The following TRPM3 variants were observed in gnomAD, a reference collection of about 807,000 sequenced individuals.
TRPM3 encodes transient receptor potential cation channel subfamily M member 3.
TRPM3 carries 77 observed loss-of-function variants against 181.2 expected under a neutral mutation model. The ratio of observed to expected loss-of-function variants is 0.42; its 90% CI spans 0.35 to 0.51. The LOEUF is 0.51. Ranked by LOEUF, TRPM3 falls within the 20% of genes least tolerant of loss-of-function variation. The pLI is 0.01. For synonymous variants in TRPM3, 745 were observed against 796.4 expected, an observed-to-expected ratio of 0.94 and a Z score of 1.09; for missense variants, 1,759 against 2,196.7, an observed-to-expected ratio of 0.80 and a Z score of 3.98.
intron 8 of TRPM3, among the ~76,000 whole-genome samples, chr9:70,686,686 T>TTTCCTTCCTTCCTTCTTTCCTTCC (rs1214535316): frequency 5.1e-5 from 3 of 58,866 alleles, no homozygotes; most frequent in African/African-American, 2.1e-4. Flanking sequence ...TCCTTCCTTC[T>TTTCCTTCCTTCCTTCTTTCCTTCC]TTCCTTCCTT....
intron 1 of TRPM3, among the ~76,000 whole-genome samples, chr9:70,926,876 G>A (rs1183577791): frequency 2.0e-5 from 3 of 152,168 alleles, no homozygotes; most frequent in African/African-American, 7.2e-5. Context: ...CCACACTGCA[G>A]AACATGTCCA....
intron 1 of TRPM3, among the ~76,000 whole-genome samples, chr9:71,340,028 G>A (rs1238209951): frequency 6.6e-6 from 1 of 152,088 alleles, no homozygotes; most frequent in East Asian, 1.9e-4. Flanking sequence ...GATTTTGTCT[G>A]AACATTGTAA....
chr9:71,063,202 C>T (rs1039889031), intron 1 of TRPM3, among the ~76,000 whole-genome samples: 103 of 152,206 alleles, frequency 6.8e-4, no homozygotes, highest in African/African-American at 2.5e-3. Flanking sequence ...CTCCCATGAG[C>T]CATTTGGGAA....
chr9:70,552,761 G>A (rs1426859258), intron 24 of TRPM3, 83 bp downstream of exon 24: 3 of 1,410,310 alleles, frequency 2.1e-6, no homozygotes, highest in Admixed American at 3.4e-5. Context: ...GGAACTAGGT[G>A]GGCATGCGAT....
intron 1 of TRPM3, among the ~76,000 whole-genome samples, chr9:71,261,890 G>A (rs2083080798): frequency 6.6e-6 from 1 of 152,088 alleles, no homozygotes; most frequent in South Asian, 2.1e-4. Context: ...CATCCCAGAG[G>A]GGCACCTGCC....
intron 8 of TRPM3, among the ~76,000 whole-genome samples, chr9:70,693,616 G>A (rs894103878): frequency 1.3e-5 from 2 of 152,178 alleles, no homozygotes; most frequent in Non-Finnish European, 1.5e-5. Context: ...AGGCGAGAGA[G>A]TGTCATGAAG....
intron 7 of TRPM3, among the ~76,000 whole-genome samples, chr9:70,781,288 G>A (rs1369393849): frequency 1.4e-5 from 2 of 141,062 alleles, no homozygotes; most frequent in African/African-American, 5.4e-5. Context: ...TTGCATCACT[G>A]CACTCCAGCC....
chr9:70,625,228 A>T lies in TRPM3; in HGVS notation c.1772T>A (p.Phe591Tyr), dbSNP rs767584686. The change falls in exon 14 of 26, where the codon TTC (phenylalanine) becomes TAC (tyrosine). Residue 591 changes from phenylalanine to tyrosine, a missense_variant. By Grantham distance (22) the Phe-to-Tyr change is conservative. Around this residue, in one of 8 missense-constraint regions of TRPM3, gnomAD observed 737 missense variants for 957.4 expected, o/e 0.77. Coordinates refer to ENST00000677713, the MANE Select transcript of TRPM3 (RefSeq NM_001366145.2). This position sits in a 1 kb window ranked among gnomAD's most constrained non-coding sequence, Gnocchi z 4.8. ...GAAGAGGTTGTGGTAGAGGGTCCGG[A>T]AGCGCTTGCGCGTGTAGTTGCAGCG... ...AYRCNYTRKR[F>Y]RTLYHNLFGP... 5 of 1,614,112 alleles carry T rather than the reference A, an allele frequency of 3.1e-6. No homozygotes were observed. The highest frequency in any genetic ancestry group is 3.4e-6 in the Non-Finnish European group (4 of 1,180,020).
chr9:71,180,993 A>G (rs1384474597), intron 1 of TRPM3, among the ~76,000 whole-genome samples: 1 of 152,076 alleles, frequency 6.6e-6, no homozygotes, highest in Non-Finnish European at 1.5e-5. Flanking sequence ...AAGGCTCTTG[A>G]GTGTTTATTT....
chr9:71,012,272 TTAGAG>T (rs2097751946), intron 1 of TRPM3, among the ~76,000 whole-genome samples: 2 of 152,204 alleles, frequency 1.3e-5, no homozygotes, highest in South Asian at 2.1e-4. Flanking sequence ...ATTCCAATGA[TTAGAG>T]ATACCACTTT....
At chr9:70,749,659 A>T (rs2075785925) in intron 8 of TRPM3, among the ~76,000 whole-genome samples, 1 of 152,232 alleles carries the variant, frequency 6.6e-6, no homozygotes, top group Non-Finnish European at 1.5e-5. Context: ...AGGTTCTGAG[A>T]TAAGAAGAAT....
intron 1 of TRPM3, among the ~76,000 whole-genome samples, chr9:71,095,443 G>A (rs906393954): frequency 7.2e-5 from 11 of 152,026 alleles, no homozygotes; most frequent in Non-Finnish European, 1.5e-4. Context: ...ATCTTAAACA[G>A]GTAGAAGACT....
intron 1 of TRPM3, among the ~76,000 whole-genome samples, chr9:71,136,877 G>A (rs2074797779): frequency 6.6e-6 from 1 of 152,242 alleles, no homozygotes; most frequent in African/African-American, 2.4e-5. Context: ...TACAGCAAAA[G>A]AAGCTGGTGT....
intron 1 of TRPM3, among the ~76,000 whole-genome samples, chr9:71,007,408 C>T (rs948600382): frequency 2.6e-5 from 4 of 152,174 alleles, no homozygotes; most frequent in Admixed American, 1.3e-4. Context: ...GAAGAACATA[C>T]ATTTTTCCAT....
chr9:71,048,810 C>T (rs780501077), intron 1 of TRPM3, among the ~76,000 whole-genome samples: 19 of 152,280 alleles, frequency 1.2e-4, no homozygotes, highest in East Asian at 3.9e-4. Flanking sequence ...AGCAAAACCT[C>T]ACCTGGATGC....
At chr9:71,185,325 A>C (rs186767501) in intron 1 of TRPM3, among the ~76,000 whole-genome samples, 48 of 152,288 alleles carry the variant, frequency 3.2e-4, no homozygotes, top group African/African-American at 1.1e-3. Context: ...ACAACTGAAA[A>C]GCATGATCCC....
intron 1 of TRPM3, among the ~76,000 whole-genome samples, chr9:70,990,240 A>G (rs781215001): frequency 6.6e-6 from 1 of 152,190 alleles, no homozygotes; most frequent in Non-Finnish European, 1.5e-5. Context: ...CCCTCGTGTC[A>G]AAGAATGTTG....
At chr9:70,632,779 T>C (rs140837579) in intron 12 of TRPM3, among the ~76,000 whole-genome samples, 3 of 152,342 alleles carry the variant, frequency 2.0e-5, no homozygotes, top group African/African-American at 7.2e-5. Context: ...CATCCTGTTC[T>C]TTCTTGTTAG....
intron 1 of TRPM3, among the ~76,000 whole-genome samples, chr9:70,929,653 G>A (rs1024399251): frequency 2.0e-5 from 3 of 152,126 alleles, no homozygotes; most frequent in Admixed American, 1.3e-4. Flanking sequence ...CTGGCTGACA[G>A]CAGCAACAGT....
Sources: gnomAD v4.1 joint callset for allele counts (sites outside exome capture counted in the v4.1 genomes callset) on GRCh38, gnomAD v4.1.1 for gene constraint, gnomAD v4.1.1 regional missense constraint, Gnocchi (gnomAD v3.1) non-coding constraint, MANE v1.5 for transcripts, NCBI Gene and HGNC (gene_info 2026-07-23, HGNC 2026-07-21) for gene names.